Variants in SVEP1 observed in about 807,000 individuals in gnomAD.
The protein encoded by SVEP1 is sushi, von Willebrand factor type A, EGF and pentraxin domain-containing protein 1.
In SVEP1, 164 loss-of-function variants were observed where a neutral mutation model predicts 367.3. The ratio of observed to expected loss-of-function variants is 0.45; its 90% CI spans 0.39 to 0.51. The LOEUF is 0.51. SVEP1 is among the 20% of genes least tolerant of loss of function. The pLI is 0.00. For synonymous variants in SVEP1, 1,666 were observed against 1,611.6 expected (o/e 1.03, Z -0.81); for missense variants, 4,117 against 4,425.3 (o/e 0.93, Z 1.98).
At chr9:110,544,022 T>C (rs1328152264) in intron 3 of SVEP1, among the ~76,000 whole-genome samples, 1 of 151,890 alleles carries the variant, frequency 6.6e-6, no homozygotes, top group East Asian at 1.9e-4. Flanking sequence ...CATGGATGGT[T>C]GGACCCAGGA....
At chr9:110,475,672 A>C (rs1829089247) in intron 14 of SVEP1, among the ~76,000 whole-genome samples, 1 of 151,994 alleles carries the variant, frequency 6.6e-6, no homozygotes, top group Non-Finnish European at 1.5e-5. Flanking sequence ...AGTAGCTGGG[A>C]CTACAGGTGT....
chr9:110,413,700 A>G (rs1828078217), intron 36 of SVEP1, among the ~76,000 whole-genome samples: 1 of 151,974 alleles, frequency 6.6e-6, no homozygotes, highest in Admixed American at 6.5e-5. Flanking sequence ...ATTACTCTCA[A>G]GTGTTCTGTC....
chr9:110,404,638 G>A, intron 38 of SVEP1, 86 bp from the exon 39 acceptor site: 1 of 1,223,550 alleles, frequency 8.2e-7, no homozygotes, highest in Non-Finnish European at 1.2e-6. Flanking sequence ...GCTGTTACAA[G>A]GCTCAGTAGA....
At chr9:110,554,727 C>CGTGTGT (rs147546940) in intron 1 of SVEP1, among the ~76,000 whole-genome samples, 12,852 of 148,564 alleles carry the variant, frequency 0.087, 631 homozygotes, top group Middle Eastern at 0.12. Flanking sequence ...TATAGATGTG[C>CGTGTGT]GTGTGTGTGT....
At chr9:110,464,261 A>C (rs953365565) in intron 18 of SVEP1, among the ~76,000 whole-genome samples, 1 of 152,336 alleles carries the variant, frequency 6.6e-6, no homozygotes, top group Middle Eastern at 3.4e-3. Flanking sequence ...GACATGGTTT[A>C]TGCGTTTCAG....
chr9:110,371,938 G>A (rs993519580), intron 46 of SVEP1, among the ~76,000 whole-genome samples: 8 of 152,158 alleles, frequency 5.3e-5, no homozygotes, highest in Admixed American at 3.3e-4. Context: ...AAGAAAATCC[G>A]ATCACATGAT....
intron 36 of SVEP1, among the ~76,000 whole-genome samples, chr9:110,418,838 A>C (rs1394877701): frequency 8.0e-6 from 1 of 124,390 alleles, no homozygotes; most frequent in Admixed American, 8.4e-5. Flanking sequence ...AAGAATTTTC[A>C]ACCCAGAATT....
At chr9:110,457,407 G>T in intron 20 of SVEP1, 55 bp from the exon 21 acceptor site, 1 of 1,397,888 alleles carries the variant, frequency 7.2e-7, no homozygotes, top group Non-Finnish European at 1.0e-6. Flanking sequence ...TTATTTCAAA[G>T]CAGTCCTGAT....
chr9:110,375,118 T>C (rs985910296), intron 46 of SVEP1, among the ~76,000 whole-genome samples: 9 of 151,998 alleles, frequency 5.9e-5, no homozygotes, highest in Admixed American at 6.6e-5. Context: ...ATGAAGCAGA[T>C]GACATAAAGA....
intron 40 of SVEP1, among the ~76,000 whole-genome samples, chr9:110,394,266 G>T (rs1433612359): frequency 1.3e-5 from 2 of 152,138 alleles, no homozygotes; most frequent in Non-Finnish European, 2.9e-5. Flanking sequence ...TGGACCTCTA[G>T]CCAACTCCGA....
chr9:110,476,409 G>C, intron 13 of SVEP1, 94 bp from the exon 14 acceptor site: 1 of 913,516 alleles, frequency 1.1e-6, no homozygotes, highest in Non-Finnish European at 1.8e-6. Context: ...GTCTCCATCA[G>C]CAGGAGGGAA....
rs527421899 is a variant in SVEP1, at chr9:110,406,973, T to C, written c.8627A>G (p.Asn2876Ser). 1.5e-5 allele frequency: 24 copies of C among 1,613,942 alleles called. No individual in the cohort carries two copies. The East Asian group carries it at 1.6e-4, about 10-fold the overall frequency. ...GGGAGTGGCTCCACTCCAACTTCCA[T>C]TGGCAAGACAAACCCGACTCCTGGC... is the stretch of plus-strand genomic sequence containing the variant. ...EGARSRVCLA[N>S]GSWSGATPDC... The change falls in exon 38 of 48, where the codon AAT (asparagine) becomes AGT (serine). Residue 2876 changes from asparagine to serine, a missense_variant. Asn to Ser is a conservative substitution (Grantham distance 46). Transcript: ENST00000374469.
rs767761882 is a variant in SVEP1 at position 110,407,778 on chromosome 9, A to C, written c.7822T>G (p.Cys2608Gly). The C allele has an allele frequency of 6.2e-7, 1 of 1,613,956 alleles. No individual in the cohort carries two copies. Among genetic ancestry groups the C allele is most frequent in the Non-Finnish European group, 8.5e-7 (1 of 1,179,886 alleles). Residue 2608 changes from cysteine (C) to glycine (G), a missense_variant, in exon 38 of 48, where the codon TGT (cysteine) becomes GGT (glycine). Physicochemically the swap from Cys to Gly is radical, Grantham distance 159 (BLOSUM62 -3). Transcript: ENST00000374469. The part of the protein sequence containing the change: ...ESGWSSSIPT[C>G]MPIDCGLPPH... ...GGGAGGCCACAGTCTATTGGCATACATGTTGGGATGGAACTTGACCATCCT... is the reference window on the plus strand; with the variant it reads ...GGGAGGCCACAGTCTATTGGCATACCTGTTGGGATGGAACTTGACCATCCT...
chr9:110,402,618 T>C (rs1827881510), intron 39 of SVEP1, among the ~76,000 whole-genome samples: 1 of 152,210 alleles, frequency 6.6e-6, no homozygotes. Flanking sequence ...GTATCTTTTT[T>C]AGCCAGTATC....
chr9:110,510,282 T>C (rs149682835), intron 5 of SVEP1, among the ~76,000 whole-genome samples: 524 of 152,346 alleles, frequency 3.4e-3, no homozygotes, highest in Middle Eastern at 0.01. Context: ...TCAAGTTGAC[T>C]TGTCAAGAAC....
At chr9:110,480,332 T>G (rs1263202922) in intron 12 of SVEP1, among the ~76,000 whole-genome samples, 1 of 152,138 alleles carries the variant, frequency 6.6e-6, no homozygotes, top group Admixed American at 6.6e-5. Flanking sequence ...TGAATGGTAT[T>G]GTTTCTATTT....
intron 35 of SVEP1, 36 bp downstream of exon 35, chr9:110,429,107 A>G: frequency 6.8e-7 from 1 of 1,472,706 alleles, no homozygotes; most frequent in South Asian, 1.4e-5. Context: ...GTAACACAGT[A>G]TTGTAGAAAG....
At chr9:110,519,549 A>G (rs1829852084) in intron 3 of SVEP1, among the ~76,000 whole-genome samples, 1 of 152,320 alleles carries the variant, frequency 6.6e-6, no homozygotes, top group East Asian at 1.9e-4. Context: ...ACTGGCACAC[A>G]TCACACTCTT....
chr9:110,459,369 G>A (rs1159094355), intron 18 of SVEP1, among the ~76,000 whole-genome samples: 1 of 151,970 alleles, frequency 6.6e-6, no homozygotes, highest in Non-Finnish European at 1.5e-5. Context: ...ACCTAACATG[G>A]TATCATAAGT....
Sources: allele counts gnomAD v4.1 joint callset (sites outside exome capture counted in the v4.1 genomes callset), GRCh38; gene constraint gnomAD v4.1.1; transcripts MANE v1.5; gene names NCBI Gene and HGNC (gene_info 2026-07-23, HGNC 2026-07-21).